Variants in ARHGAP32 observed in about 807,000 individuals in gnomAD.
The protein encoded by ARHGAP32 is rho GTPase-activating protein 32.
Under a neutral mutation model 186.5 loss-of-function variants are expected in ARHGAP32, and 51 were observed. The observed-to-expected ratio is 0.27, with a 90% CI of 0.22 to 0.35. The LOEUF is 0.35. Ranked by LOEUF, ARHGAP32 falls within the 10% of genes least tolerant of loss-of-function variation. The pLI, the probability that ARHGAP32 is intolerant of heterozygous loss-of-function variation, is 1.00. For synonymous variants in ARHGAP32, 950 were observed against 964.3 expected, an observed-to-expected ratio of 0.99 and a Z score of 0.27; for missense variants, 2,186 against 2,623.5, an observed-to-expected ratio of 0.83 and a Z score of 3.64.
At chr11:129,250,110 A>C (rs1945159461) in intron 1 of ARHGAP32, among the ~76,000 whole-genome samples, 1 of 152,050 alleles carries the variant, frequency 6.6e-6, no homozygotes, top group South Asian at 2.1e-4. Flanking sequence ...CCAGCTGCTC[A>C]GGAGGGTGAA....
At chr11:128,982,505 G>C (rs1174987575) in intron 15 of ARHGAP32, among the ~76,000 whole-genome samples, 1 of 151,330 alleles carries the variant, frequency 6.6e-6, no homozygotes, top group African/African-American at 2.4e-5. Flanking sequence ...GTGTGTGTGT[G>C]TGTCTGTGCG....
intron 5 of ARHGAP32, among the ~76,000 whole-genome samples, chr11:129,109,125 T>C (rs752554925): frequency 2.0e-5 from 3 of 152,246 alleles, no homozygotes; most frequent in Non-Finnish European, 2.9e-5. Flanking sequence ...GTTTTTTAGA[T>C]CCCACATGTA....
chr11:129,028,107 C>T (rs1938943021), intron 11 of ARHGAP32, among the ~76,000 whole-genome samples: 1 of 152,194 alleles, frequency 6.6e-6, no homozygotes, highest in Non-Finnish European at 1.5e-5. Context: ...TGTTTTGGAG[C>T]ATCCATATAA....
intron 5 of ARHGAP32, among the ~76,000 whole-genome samples, chr11:129,114,545 T>C (rs1156393776): frequency 6.6e-6 from 1 of 152,144 alleles, no homozygotes; most frequent in Admixed American, 6.6e-5. Context: ...TGGGTTTTAA[T>C]ACACCCTATA....
intron 1 of ARHGAP32, among the ~76,000 whole-genome samples, chr11:129,243,625 C>G (rs897593450): frequency 7.9e-5 from 12 of 152,138 alleles, no homozygotes; most frequent in Non-Finnish European, 2.9e-5. Flanking sequence ...ATAAAAATTC[C>G]TCAGCTTGGC....
At position 129,192,177 on chromosome 11, in the gene ARHGAP32, T is replaced by C. The variant is rs1266572600; in HGVS notation, c.22A>G (p.Ser8Gly). 1.9e-6 allele frequency: 3 copies of C among 1,612,866 alleles called. No homozygotes were observed. Among genetic ancestry groups the C allele is most frequent in the East Asian group, 2.2e-5 (1 of 44,884 alleles). The part of the protein sequence containing the change: METESES[S>G]TLGDDSVFWL... ...AAGACACTGTCATCCCCTAAAGTGC[T>C]ACTCTCACTTTCAGTCTCCATCTTG... is the stretch of plus-strand genomic sequence containing the variant. Residue 8 changes from serine (S) to glycine (G), a missense_variant, in exon 1 of 23, where the codon AGC becomes GGC. This residue lies in a region of ARHGAP32 where 108 missense variants were observed against 116.8 expected (regional missense o/e 0.92). Coordinates refer to ENST00000682385, the MANE Select transcript of ARHGAP32 (RefSeq NM_001378024.1).
intron 1 of ARHGAP32, among the ~76,000 whole-genome samples, chr11:129,278,163 T>C (rs1214562188): frequency 6.6e-6 from 1 of 152,220 alleles, no homozygotes; most frequent in Non-Finnish European, 1.5e-5. Context: ...AAGGTCTAAA[T>C]CTGTGCCAAA....
At chr11:129,213,517 T>A (rs1944608483) in intron 1 of ARHGAP32, among the ~76,000 whole-genome samples, 1 of 152,164 alleles carries the variant, frequency 6.6e-6, no homozygotes, top group African/African-American at 2.4e-5. Flanking sequence ...AGTACCCTTA[T>A]AAGGTACTGC....
chr11:129,221,479 C>CTG (rs537808170), intron 1 of ARHGAP32, among the ~76,000 whole-genome samples: 5,001 of 121,088 alleles, frequency 0.041, 114 homozygotes, highest in East Asian at 0.052. Context: ...ATTGTCATTA[C>CTG]TGTGTGTGTG....
chr11:128,999,841 C>G (rs1296015181), intron 11 of ARHGAP32, among the ~76,000 whole-genome samples: 2 of 152,282 alleles, frequency 1.3e-5, no homozygotes, highest in South Asian at 4.1e-4. Flanking sequence ...GTCATCTTCC[C>G]AATGCATACT....
chr11:129,196,429 TTA>T (rs1944392636), upstream of ARHGAP32, among the ~76,000 whole-genome samples: 1 of 152,208 alleles, frequency 6.6e-6, no homozygotes, highest in Non-Finnish European at 1.5e-5. Context: ...ACATTGATAG[TTA>T]TTATAAGTGA....
chr11:129,129,718 TA>T lies in ARHGAP32; in HGVS notation c.226-4825del, dbSNP rs1306731514. Among the ~76,000 whole-genome samples the T allele has an allele frequency of 3.9e-5, 6 of 152,228 alleles. No individual in the cohort carries two copies. The South Asian group carries it at 1.2e-3, about 31-fold the overall frequency. On this transcript the variant is annotated intron_variant, in intron 2 of 22. Transcript: ENST00000682385. The stretch of plus-strand genomic sequence containing the variant: ...ACCCTTACTGTTTGAAGCACACTGC[TA>T]AATGATCTTCCAGAGGGCCTGATCT...
At chr11:129,173,218 G>A (rs1943810719) in intron 1 of ARHGAP32, among the ~76,000 whole-genome samples, 1 of 151,372 alleles carries the variant, frequency 6.6e-6, no homozygotes, top group South Asian at 2.1e-4. Flanking sequence ...AGAAGAAATG[G>A]ATAAATTCCT....
At chr11:129,221,657 A>C (rs1221038925) in intron 1 of ARHGAP32, among the ~76,000 whole-genome samples, 1 of 151,706 alleles carries the variant, frequency 6.6e-6, no homozygotes, top group Non-Finnish European at 1.5e-5. Context: ...GAAATGAGGA[A>C]GAGTACAAGC....
intron 1 of ARHGAP32, among the ~76,000 whole-genome samples, chr11:129,232,613 G>T (rs1944873349): frequency 6.6e-6 from 1 of 152,010 alleles, no homozygotes. Flanking sequence ...ATCTTACAAG[G>T]CCATAAAAAA....
intron 1 of ARHGAP32, among the ~76,000 whole-genome samples, chr11:129,254,881 C>CAATA (rs1230671777): frequency 6.6e-6 from 1 of 151,952 alleles, no homozygotes; most frequent in Admixed American, 6.6e-5. Flanking sequence ...GTGTGTACAC[C>CAATA]AATAAATTAT....
At chr11:129,054,540 A>G (rs1940176347) in intron 10 of ARHGAP32, among the ~76,000 whole-genome samples, 1 of 152,226 alleles carries the variant, frequency 6.6e-6, no homozygotes, top group South Asian at 2.1e-4. Context: ...ACTGCACATA[A>G]CAAACAATCC....
intron 1 of ARHGAP32, among the ~76,000 whole-genome samples, chr11:129,268,249 T>C (rs916980347): frequency 1.3e-5 from 2 of 152,114 alleles, no homozygotes; most frequent in Non-Finnish European, 2.9e-5. Flanking sequence ...ATAAAAGAAC[T>C]AGCCATTTTT....
chr11:129,147,401 G>C (rs1292076584), intron 2 of ARHGAP32, among the ~76,000 whole-genome samples: 1 of 152,088 alleles, frequency 6.6e-6, no homozygotes. Flanking sequence ...ATTCAATACA[G>C]ATTTACTGAA....
Sources: gnomAD v4.1 joint callset for allele counts (sites outside exome capture counted in the v4.1 genomes callset) on GRCh38, gnomAD v4.1.1 for gene constraint, gnomAD v4.1.1 regional missense constraint, MANE v1.5 for transcripts, NCBI Gene and HGNC (gene_info 2026-07-23, HGNC 2026-07-21) for gene names.